Variants in PITPNM2 observed in about 807,000 individuals in gnomAD.
PITPNM2 encodes the protein membrane-associated phosphatidylinositol transfer protein 2.
A neutral mutation model predicts 132.2 loss-of-function variants in PITPNM2; 35 were observed. The ratio of observed to expected loss-of-function variants is 0.26; its 90% CI spans 0.20 to 0.35. The LOEUF is 0.35. Among genes scored for constraint, PITPNM2 ranks in the 10% least tolerant of loss-of-function variants. The pLI is 1.00. For missense variants in PITPNM2, 1,332 were observed against 1,912.0 expected, an observed-to-expected ratio of 0.70 and a Z score of 5.66; for synonymous variants, 738 against 799.2, an observed-to-expected ratio of 0.92 and a Z score of 1.29.
rs766875461 is a variant in PITPNM2 at position 123,111,371 on chromosome 12, A to G, written c.-199-883T>C. 1.3e-5 allele frequency among the ~76,000 whole-genome samples: 2 copies of G among 152,212 alleles called. No individual in the cohort carries two copies. Among genetic ancestry groups the G allele is most frequent in the South Asian group, 2.1e-4 (1 of 4,828 alleles). ...GGAGTGTTTCAGGAACTGATGCCCA[A>G]TTCCAGGGCAACCCTGCTTTAGGAG... On this transcript the variant is annotated intron_variant, in intron 1 of 25. Coordinates refer to ENST00000320201, the MANE Select transcript of PITPNM2 (RefSeq NM_020845.3). The surrounding 1 kb of genome is among the most constrained non-coding windows in gnomAD (Gnocchi z 4.1).
At chr12:122,991,436 C>T (rs1469704197) in intron 16 of PITPNM2, among the ~76,000 whole-genome samples, 1 of 152,208 alleles carries the variant, frequency 6.6e-6, no homozygotes, top group Non-Finnish European at 1.5e-5. Context: ...GGGGTGGGCC[C>T]GGCTGGCTCA....
Position 123,001,695 on chromosome 12 carries a change from G to C in PITPNM2, c.1049-537C>G, listed in dbSNP as rs2038687361. On this transcript the variant is annotated intron_variant, in intron 8 of 25. Transcript: ENST00000320201. ...TCCATTGCATGGACACACCCGTTTT[G>C]TTTGTCCACTCATCAGCTGATGTTC... 2.0e-5 allele frequency among the ~76,000 whole-genome samples: 3 copies of C among 152,130 alleles called. No homozygotes were observed. The South Asian group carries it at 6.2e-4, about 32-fold the overall frequency.
chr12:123,048,690 G>GC (rs2040752643), intron 2 of PITPNM2, among the ~76,000 whole-genome samples: 1 of 152,208 alleles, frequency 6.6e-6, no homozygotes, highest in Non-Finnish European at 1.5e-5. Context: ...GGGATTACAG[G>GC]CGTGAGCCAC....
At chr12:122,986,596 A>G (rs1475315269) in intron 24 of PITPNM2, 32 bp from the exon 25 acceptor site, 2 of 1,599,834 alleles carry the variant, frequency 1.3e-6, no homozygotes, top group Admixed American at 1.7e-5. Flanking sequence ...CACAGGCACC[A>G]TGGTCCCTCT....
intron 1 of PITPNM2, among the ~76,000 whole-genome samples, chr12:123,112,745 A>G (rs560081231): frequency 3.3e-5 from 5 of 152,082 alleles, no homozygotes; most frequent in South Asian, 2.1e-4. Flanking sequence ...TCACCATGTT[A>G]GCCAGGATGG....
At chr12:123,102,203 A>G (rs1237682140) in intron 2 of PITPNM2, among the ~76,000 whole-genome samples, 1 of 152,160 alleles carries the variant, frequency 6.6e-6, no homozygotes, top group East Asian at 1.9e-4. Flanking sequence ...TGGGGAGAGG[A>G]AGGAAAGTGC....
rs1296652959 is a variant in PITPNM2, at chr12:123,095,142, C to A, written c.-96+15243G>T. Among the ~76,000 whole-genome samples, 2 of 152,198 alleles carry A rather than the reference C, an allele frequency of 1.3e-5. No individual in the cohort carries two copies. The highest frequency in any genetic ancestry group is 2.9e-5 in the Non-Finnish European group (2 of 68,020). On this transcript the variant is annotated intron_variant, in intron 2 of 25. Coordinates refer to ENST00000320201, the MANE Select transcript of PITPNM2 (RefSeq NM_020845.3). This position sits in a 1 kb window ranked among gnomAD's most constrained non-coding sequence, Gnocchi z 5.0. The stretch of plus-strand genomic sequence containing the variant: ...AAGACTCTCCACTCCACCATCCTTG[C>A]ACAGCAGGCTGATTCAGGGCTTGGA...
At position 123,005,385 on chromosome 12, in the gene PITPNM2, C is replaced by T; in HGVS notation, c.807G>A (p.Glu269=). Reference sequence around the variant, plus strand: ...CCGAGACGGCTTCGTGCTTGACGAGCTCAGTGGCCTCCTCACCATCCTCAT... The same window carrying T: ...CCGAGACGGCTTCGTGCTTGACGAGTTCAGTGGCCTCCTCACCATCCTCAT... ...QFNEDGEEAT[E]LVKHEAVSDQ... The change falls in exon 7 of 26, where the codon GAG becomes GAA. Residue 269 remains glutamate, a synonymous_variant. Transcript: ENST00000320201. The surrounding 1 kb of genome is among the most constrained non-coding windows in gnomAD (Gnocchi z 6.2). 1 of 1,614,206 alleles carries T rather than the reference C, an allele frequency of 6.2e-7. No individual in the cohort carries two copies. Among genetic ancestry groups the T allele is most frequent in the Non-Finnish European group, 8.5e-7 (1 of 1,180,040 alleles).
In PITPNM2 at chr12:122,993,501, C is replaced by T. The variant is rs574433255; in HGVS notation, c.2234-832G>A. Among the ~76,000 whole-genome samples, 4 of 152,342 alleles carry T rather than the reference C, an allele frequency of 2.6e-5. No homozygotes were observed. The highest frequency in any genetic ancestry group is 9.6e-5 in the African/African-American group (4 of 41,574). ...TCCCATTTAACACAAAAAATGTTGG[C>T]GTCTTTCATGTCAGCACGTCTAGTT... On this transcript the variant is annotated intron_variant, in intron 15 of 25. Coordinates refer to ENST00000320201, the MANE Select transcript of PITPNM2 (RefSeq NM_020845.3). This position sits in a 1 kb window ranked among gnomAD's most constrained non-coding sequence, Gnocchi z 5.2.
At position 122,985,902 on chromosome 12, in the gene PITPNM2, C is replaced by T; in HGVS notation, c.*125G>A. ...GAGCACTGTGTGGTGCGGCCCGTGT[C>T]CTCCACAAGGCCCTGGGACAATCTC... On this transcript the variant is annotated 3_prime_UTR_variant, in exon 26 of 26. Transcript: ENST00000320201. 1.1e-6 allele frequency: 1 copy of T among 926,910 alleles called. No individual in the cohort carries two copies. Among genetic ancestry groups the T allele is most frequent in the Non-Finnish European group, 1.5e-6 (1 of 680,304 alleles). 57.4% of individuals were successfully genotyped at this position (926,910 alleles called of 1,614,324 possible).
intron 3 of PITPNM2, among the ~76,000 whole-genome samples, chr12:123,018,045 T>C (rs1592947248): frequency 7.8e-6 from 1 of 128,948 alleles, no homozygotes; most frequent in African/African-American, 2.8e-5. Flanking sequence ...CCTCCCTCCC[T>C]CCCTCCCTCT....
chr12:123,057,923 G>A (rs1296754020), intron 2 of PITPNM2, among the ~76,000 whole-genome samples: 5 of 152,170 alleles, frequency 3.3e-5, no homozygotes, highest in Non-Finnish European at 5.9e-5. Context: ...GAACCCTTTT[G>A]CAGATCCAAG....
At chr12:123,129,727 A>G (rs2043221690) in intron 1 of PITPNM2, among the ~76,000 whole-genome samples, 1 of 152,020 alleles carries the variant, frequency 6.6e-6, no homozygotes. Context: ...ACCCAGCATA[A>G]TGAGTCCTGT....
At chr12:123,034,770 C>A in intron 2 of PITPNM2, 85 bp from the exon 3 acceptor site, 1 of 598,480 alleles carries the variant, frequency 1.7e-6, no homozygotes, top group South Asian at 2.0e-5. Flanking sequence ...GCCCGGTCTA[C>A]ACCTGAGGCT....
In PITPNM2 at chr12:122,985,835, C is replaced by G; in HGVS notation, c.*192G>C. 2 of 495,406 alleles carry G rather than the reference C, an allele frequency of 4.0e-6. No homozygotes were observed. The highest frequency in any genetic ancestry group is 3.3e-6 in the Non-Finnish European group (1 of 303,704). 30.7% of individuals were successfully genotyped at this position (495,406 alleles called of 1,614,324 possible). A position where few individuals can be genotyped will look rare whatever the true frequency, so the allele number is the denominator to read the frequency against. On this transcript the variant is annotated 3_prime_UTR_variant, in exon 26 of 26. Coordinates refer to ENST00000320201, the MANE Select transcript of PITPNM2 (RefSeq NM_020845.3). ...TGGTGGTCCCTGCCAGCTTCCATGA[C>G]AAGCCGGACCCGTCAGGCCCGAGGA...
At chr12:123,007,888 C>T (rs1360932943) in intron 6 of PITPNM2, among the ~76,000 whole-genome samples, 2 of 152,126 alleles carry the variant, frequency 1.3e-5, no homozygotes, top group Non-Finnish European at 2.9e-5. Context: ...CCTCAAGGCC[C>T]CCAAGAAGCC....
chr12:123,131,467 T>TA (rs1449997098), intron 1 of PITPNM2, among the ~76,000 whole-genome samples: 1 of 152,196 alleles, frequency 6.6e-6, no homozygotes, highest in Non-Finnish European at 1.5e-5. Context: ...CCAGTACTGT[T>TA]AGAGAATACA....
At chr12:123,059,259 TC>T (rs1429137911) in intron 2 of PITPNM2, among the ~76,000 whole-genome samples, 2 of 152,188 alleles carry the variant, frequency 1.3e-5, no homozygotes, top group Non-Finnish European at 1.5e-5. Flanking sequence ...ACCAGCCACC[TC>T]CTGTGTGGCT....
At chr12:123,151,243 CG>C (rs1430127912), upstream of PITPNM2, among the ~76,000 whole-genome samples, 2 of 150,760 alleles carry the variant, frequency 1.3e-5, no homozygotes, top group Admixed American at 1.3e-4. Flanking sequence ...CTCTCCGACT[CG>C]GGCAGCCCGC....
Sources: allele counts gnomAD v4.1 joint callset (sites outside exome capture counted in the v4.1 genomes callset), GRCh38; gene constraint gnomAD v4.1.1; non-coding constraint Gnocchi (gnomAD v3.1); transcripts MANE v1.5; gene names NCBI Gene and HGNC (gene_info 2026-07-23, HGNC 2026-07-21).